Variants in GLP2R observed in about 807,000 individuals in gnomAD.
GLP2R encodes glucagon like peptide 2 receptor.
GLP2R carries 59 observed loss-of-function variants against 68.2 expected under a neutral mutation model. The observed-to-expected ratio is 0.87, with a 90% CI of 0.70 to 1.07. The LOEUF (loss-of-function observed/expected upper bound fraction) is 1.07. Among genes scored for constraint, GLP2R ranks in the 50% least tolerant of loss-of-function variants. GLP2R has a pLI of 0.00. For missense variants in GLP2R, 548 were observed against 677.4 expected (o/e 0.81, Z 2.12); for synonymous variants, 270 against 265.4 (o/e 1.02, Z -0.17).
chr17:9,848,065 A>G (rs530932188), intron 4 of GLP2R, among the ~76,000 whole-genome samples: 181 of 152,276 alleles, frequency 1.2e-3, no homozygotes, highest in Non-Finnish European at 2.0e-3. Context: ...TTACTTTCCT[A>G]CTGGATTTGA....
intron 3 of GLP2R, 82 bp downstream of exon 3, chr17:9,836,557 A>G (rs2066733496): frequency 1.3e-6 from 1 of 776,352 alleles, no homozygotes; most frequent in South Asian, 1.4e-5. Flanking sequence ...TCCCCGTCTA[A>G]GCTCTCAGTA....
At chr17:9,834,015 G>A in intron 2 of GLP2R, 121 bp downstream of exon 2, 1 of 732,002 alleles carries the variant, frequency 1.4e-6, no homozygotes. Context: ...AATTCAGACA[G>A]GGCACACTGG....
chr17:9,850,821 G>A (rs931256942), intron 4 of GLP2R, among the ~76,000 whole-genome samples: 1 of 151,520 alleles, frequency 6.6e-6, no homozygotes, highest in Admixed American at 6.6e-5. Flanking sequence ...AGCCTCCTGA[G>A]TAGCTGGGAA....
rs958886300 is a variant in GLP2R at position 9,891,961 on chromosome 17, C to T, written c.*2256C>T. On this transcript the variant is annotated 3_prime_UTR_variant, in exon 13 of 13. Coordinates refer to ENST00000262441, the MANE Select transcript of GLP2R (RefSeq NM_004246.3). ...TCGGATGCTGCTGGGAGTAAGTGAT[C>T]CAGGACCTTACCGCTAAGAGGAGAA... is the stretch of plus-strand genomic sequence containing the variant. 3 of 152,072 alleles carry T rather than the reference C, an allele frequency of 2.0e-5. No homozygotes were observed. Among genetic ancestry groups the T allele is most frequent in the Admixed American group, 6.6e-5 (1 of 15,254 alleles). The allele number at this position is 152,072 out of a possible 1,614,324, so 9.4% of individuals were successfully genotyped here. A position where few individuals can be genotyped will look rare whatever the true frequency, so the allele number is the denominator to read the frequency against.
At chr17:9,861,489 GA>G (rs1384835537) in intron 8 of GLP2R, among the ~76,000 whole-genome samples, 1 of 151,960 alleles carries the variant, frequency 6.6e-6, no homozygotes, top group Admixed American at 6.6e-5. Flanking sequence ...TTCATAGTGA[GA>G]AAAAAAATTA....
chr17:9,879,613 A>C (rs1005916336), intron 10 of GLP2R, among the ~76,000 whole-genome samples: 7 of 152,244 alleles, frequency 4.6e-5, no homozygotes, highest in Non-Finnish European at 1.0e-4. Context: ...GAATTTTAAT[A>C]GTCAGCCACG....
rs182032648 is a variant in GLP2R at position 9,883,850 on chromosome 17, A to C, written c.1284+3334A>C. On this transcript the variant is annotated intron_variant, in intron 11 of 12. Coordinates refer to ENST00000262441, the MANE Select transcript of GLP2R (RefSeq NM_004246.3). ...TATTGGCAAACACCCCTTTCAAGAA[A>C]TATCAAAGGATGTCCTTCATGCTGG... 3.9e-4 allele frequency among the ~76,000 whole-genome samples: 59 copies of C among 152,368 alleles called. No individual in the cohort carries two copies. The East Asian group carries it at 8.7e-3, about 22-fold the overall frequency.
chr17:9,844,158 G>A (rs1171084147), intron 4 of GLP2R, among the ~76,000 whole-genome samples: 1 of 152,204 alleles, frequency 6.6e-6, no homozygotes, highest in Non-Finnish European at 1.5e-5. Flanking sequence ...CTGCTGGGCA[G>A]GTGAGGTAGG....
intron 11 of GLP2R, among the ~76,000 whole-genome samples, chr17:9,885,986 C>T (rs8082625): frequency 0.06 from 9,186 of 152,170 alleles, 934 homozygotes; most frequent in African/African-American, 0.21. Flanking sequence ...AGGACTGAGC[C>T]AGAAAACACA....
intron 11 of GLP2R, among the ~76,000 whole-genome samples, chr17:9,885,955 C>A (rs1224344488): frequency 1.3e-5 from 2 of 152,212 alleles, no homozygotes; most frequent in Non-Finnish European, 2.9e-5. Flanking sequence ...ATCAAAGTGA[C>A]TCTGCAGGGT....
chr17:9,865,129 T>C (rs1051363993), intron 9 of GLP2R, among the ~76,000 whole-genome samples: 1 of 152,062 alleles, frequency 6.6e-6, no homozygotes, highest in Non-Finnish European at 1.5e-5. Flanking sequence ...AGAAAATGGC[T>C]CCACCACCCA....
intron 4 of GLP2R, among the ~76,000 whole-genome samples, chr17:9,843,043 C>T (rs946558907): frequency 3.0e-5 from 4 of 132,532 alleles, no homozygotes; most frequent in Non-Finnish European, 4.7e-5. Context: ...CCCCCCACTT[C>T]GACTCCTTTA....
chr17:9,881,939 G>A (rs930719529), intron 11 of GLP2R, among the ~76,000 whole-genome samples: 3 of 151,498 alleles, frequency 2.0e-5, no homozygotes, highest in African/African-American at 7.3e-5. Flanking sequence ...CAGGACTTCT[G>A]AGATGATAAA....
intron 4 of GLP2R, among the ~76,000 whole-genome samples, chr17:9,847,321 A>G (rs2066848673): frequency 1.3e-5 from 2 of 152,010 alleles, no homozygotes; most frequent in South Asian, 2.1e-4. Context: ...CCAAGCTGGA[A>G]TGCAGTGGCA....
chr17:9,837,613 C>T (rs1351889189), intron 3 of GLP2R, among the ~76,000 whole-genome samples: 1 of 152,138 alleles, frequency 6.6e-6, no homozygotes, highest in South Asian at 2.1e-4. Context: ...AGAATTTAAC[C>T]ACTTAGCTTG....
chr17:9,834,027 G>A (rs550806954), intron 2 of GLP2R, 133 bp downstream of exon 2: 1 of 720,786 alleles, frequency 1.4e-6, no homozygotes, highest in South Asian at 1.5e-5. Flanking sequence ...GCACACTGGG[G>A]ATGGCTTGTT....
chr17:9,849,266 C>T (rs1345327261), intron 4 of GLP2R, among the ~76,000 whole-genome samples: 6 of 151,996 alleles, frequency 3.9e-5, no homozygotes, highest in Non-Finnish European at 7.4e-5. Context: ...CATTTGCTTT[C>T]TCTCTGTTTC....
At chr17:9,836,289 G>T in intron 2 of GLP2R, 82 bp from the exon 3 acceptor site, 1 of 900,394 alleles carries the variant, frequency 1.1e-6, no homozygotes, top group Non-Finnish European at 1.9e-6. Flanking sequence ...AGGAAGGTGG[G>T]CTCCCACGGT....
intron 1 of GLP2R, among the ~76,000 whole-genome samples, chr17:9,829,256 G>T (rs560925906): frequency 4.6e-5 from 7 of 151,998 alleles, no homozygotes; most frequent in Admixed American, 3.9e-4. Flanking sequence ...GGATTTTTGA[G>T]AAGTACATTG....
Sources: allele counts gnomAD v4.1 joint callset (sites outside exome capture counted in the v4.1 genomes callset), GRCh38; gene constraint gnomAD v4.1.1; transcripts MANE v1.5; gene names NCBI Gene and HGNC (gene_info 2026-07-23, HGNC 2026-07-21).